Variants in TTC39C observed in about 807,000 individuals in gnomAD.
TTC39C encodes tetratricopeptide repeat domain 39C, also known as tetratricopeptide repeat protein 39C.
A neutral mutation model predicts 76.3 loss-of-function variants in TTC39C; 33 were observed. That is an observed-to-expected ratio of 0.43 (90% CI 0.33 to 0.58). The LOEUF is 0.58. TTC39C is among the 20% of genes least tolerant of loss of function. The pLI is 0.04. For synonymous variants in TTC39C, 254 were observed against 260.6 expected, an observed-to-expected ratio of 0.97 and a Z score of 0.24; for missense variants, 595 against 701.4, an observed-to-expected ratio of 0.85 and a Z score of 1.71.
At chr18:24,064,488 T>C (rs968744511) in intron 2 of TTC39C, among the ~76,000 whole-genome samples, 2 of 152,170 alleles carry the variant, frequency 1.3e-5, no homozygotes, top group African/African-American at 4.8e-5. Context: ...AGAAAAAAAG[T>C]CTGGGTTTGG....
At chr18:24,129,773 CAAAA>C (rs5823413) in intron 11 of TTC39C, among the ~76,000 whole-genome samples, 16 of 95,022 alleles carry the variant, frequency 1.7e-4, no homozygotes, top group Admixed American at 2.2e-4. Flanking sequence ...GACTCCATCT[CAAAA>C]AAAAAAAAAA....
chr18:24,007,639 C>T (rs1184190188), intron 1 of TTC39C, among the ~76,000 whole-genome samples: 1 of 152,218 alleles, frequency 6.6e-6, no homozygotes, highest in Non-Finnish European at 1.5e-5. Context: ...CCACCTCGGC[C>T]TCCCAAAGTG....
chr18:24,087,602 T>TTG (rs1555774951), intron 6 of TTC39C, among the ~76,000 whole-genome samples: 5,086 of 151,564 alleles, frequency 0.034, 151 homozygotes, highest in East Asian at 0.11. Flanking sequence ...TGTTTTTTTT[T>TTG]GAGACAGAGT....
intron 1 of TTC39C, among the ~76,000 whole-genome samples, chr18:24,016,209 T>A (rs541896083): frequency 6.6e-6 from 1 of 152,092 alleles, no homozygotes; most frequent in Non-Finnish European, 1.5e-5. Context: ...GGTGATTTTT[T>A]CCCCCCTTTG....
exon 1 of TTC39C, chr18:23,992,889 C>A (rs2083230962): frequency 6.6e-6 from 1 of 152,304 alleles, no homozygotes; most frequent in South Asian, 2.1e-4. Context: ...TTATTTCCAG[C>A]TGCCCATCTT....
intron 6 of TTC39C, among the ~76,000 whole-genome samples, chr18:24,084,143 G>A (rs2084412928): frequency 1.3e-5 from 2 of 152,114 alleles, no homozygotes; most frequent in South Asian, 2.1e-4. Flanking sequence ...TTTTCTAAGT[G>A]CTTTGTATAT....
rs146783998 is a variant in TTC39C at position 24,115,945 on chromosome 18, C to T, written c.1078+1298C>T. ...GTGGCCTTTTGTTGGTGCATCATTT[C>T]AAGTCCTATGACAGGATAGGATGTT... On this transcript the variant is annotated intron_variant, in intron 7 of 13. Transcript: ENST00000317571. Among the ~76,000 whole-genome samples the T allele has an allele frequency of 2.4e-3, 358 of 152,268 alleles. 1 individual carries two copies. Among genetic ancestry groups the T allele is most frequent in the African/African-American group, 8.3e-3 (346 of 41,550 alleles).
rs543505363 is a variant in TTC39C, at chr18:24,059,348, A to G, written c.168-4792A>G. On this transcript the variant is annotated intron_variant, in intron 1 of 13. Coordinates refer to ENST00000317571, the MANE Select transcript of TTC39C (RefSeq NM_001135993.2). ...CTAGTACTAATTTTTTATTTTTTCC[A>G]GTCCCCTCCCTCCTCCCACCCTCCA... 5.3e-5 allele frequency among the ~76,000 whole-genome samples: 8 copies of G among 152,158 alleles called. No individual in the cohort carries two copies. In the South Asian group the frequency reaches 1.7e-3, roughly 32 times the overall value.
chr18:24,128,979 T>G lies in TTC39C; in HGVS notation c.1514T>G (p.Val505Gly). The G allele has an allele frequency of 6.2e-7, 1 of 1,612,934 alleles. No individual in the cohort carries two copies. Among genetic ancestry groups the G allele is most frequent in the South Asian group, 1.1e-5 (1 of 90,990 alleles). The change falls in exon 11 of 14, where the codon GTT becomes GGT. Residue 505 changes from valine (V) to glycine (G), a missense_variant. Transcript: ENST00000317571. ...TGTCTAGGAAACTCAGAAGATGCTGTTCAGGTAAACTGTTAATGTTGTCAG... is the reference window on the plus strand; with the variant it reads ...TGTCTAGGAAACTCAGAAGATGCTGGTCAGGTAAACTGTTAATGTTGTCAG... ...HKCLGNSEDA[V>G]QYFQRAVKDE...
intron 1 of TTC39C, among the ~76,000 whole-genome samples, chr18:23,993,926 T>C (rs1436964763): frequency 6.6e-6 from 1 of 152,238 alleles, no homozygotes; most frequent in Non-Finnish European, 1.5e-5. Context: ...ATGGTTCATA[T>C]GACATCACCA....
At chr18:24,049,705 G>A (rs544763117) in intron 1 of TTC39C, among the ~76,000 whole-genome samples, 9 of 152,182 alleles carry the variant, frequency 5.9e-5, no homozygotes, top group Non-Finnish European at 1.0e-4. Flanking sequence ...GAGGAGAGAG[G>A]CAGGAGGTCA....
intron 12 of TTC39C, among the ~76,000 whole-genome samples, chr18:24,130,823 C>T (rs77695488): frequency 0.13 from 20,348 of 151,372 alleles, 1,527 homozygotes; most frequent in Middle Eastern, 0.29. Context: ...TGTAGGCAAC[C>T]GTAACACAAT....
intron 1 of TTC39C, among the ~76,000 whole-genome samples, chr18:24,051,929 G>A (rs2083955933): frequency 6.6e-6 from 1 of 152,142 alleles, no homozygotes; most frequent in South Asian, 2.1e-4. Flanking sequence ...TGTCCTAGGT[G>A]GTCAGGACAG....
At chr18:24,093,269 GGAGATC>G (rs2084548165) in intron 6 of TTC39C, among the ~76,000 whole-genome samples, 1 of 152,140 alleles carries the variant, frequency 6.6e-6, no homozygotes. Context: ...CACGAGGTCA[GGAGATC>G]GAGACCATCC....
rs533613268 is a variant in TTC39C at position 24,049,698 on chromosome 18, G to T, written c.168-14442G>T. Among the ~76,000 whole-genome samples the T allele has an allele frequency of 3.3e-5, 5 of 152,306 alleles. No homozygotes were observed. The East Asian group carries it at 9.6e-4, about 29-fold the overall frequency. ...TAGAGGCCGAGCAGGAACCATTGAG[G>T]AGAGAGGCAGGAGGTCAGTGGCCCA... On this transcript the variant is annotated intron_variant, in intron 1 of 13. Coordinates refer to ENST00000317571, the MANE Select transcript of TTC39C (RefSeq NM_001135993.2).
intron 1 of TTC39C, among the ~76,000 whole-genome samples, chr18:24,043,817 T>C (rs976795676): frequency 6.6e-6 from 1 of 152,220 alleles, no homozygotes; most frequent in Non-Finnish European, 1.5e-5. Context: ...GGAGAAAATC[T>C]CAGGGATATG....
At chr18:24,034,897 T>C (rs2083714360) in intron 1 of TTC39C, among the ~76,000 whole-genome samples, 1 of 152,240 alleles carries the variant, frequency 6.6e-6, no homozygotes, top group Non-Finnish European at 1.5e-5. Context: ...CTTGGGTTGC[T>C]TCCACCTTTT....
intron 4 of TTC39C, among the ~76,000 whole-genome samples, chr18:24,075,156 G>C (rs1035276206): frequency 2.0e-5 from 3 of 152,034 alleles, no homozygotes; most frequent in African/African-American, 4.8e-5. Context: ...GTCGTGGGGT[G>C]GGGGGAGTGG....
intron 1 of TTC39C, among the ~76,000 whole-genome samples, chr18:24,007,487 G>A (rs1044393817): frequency 1.3e-5 from 2 of 152,138 alleles, no homozygotes; most frequent in African/African-American, 4.8e-5. Context: ...GGGTTCAAGC[G>A]ATTCTCCTGC....
Sources: gnomAD v4.1 joint callset for allele counts (sites outside exome capture counted in the v4.1 genomes callset) on GRCh38, gnomAD v4.1.1 for gene constraint, MANE v1.5 for transcripts, NCBI Gene and HGNC (gene_info 2026-07-23, HGNC 2026-07-21) for gene names.